PRKN: variants seen among roughly 807,000 people sequenced by gnomAD.
PRKN encodes the protein E3 ubiquitin-protein ligase parkin.
In PRKN, 56 loss-of-function variants were observed where a neutral mutation model predicts 59.5. The ratio of observed to expected loss-of-function variants is 0.94; its 90% CI spans 0.76 to 1.18. The LOEUF is 1.18. Among genes scored for constraint, PRKN ranks in the 50% most tolerant of loss-of-function variants. PRKN has a pLI of 0.00. For synonymous variants in PRKN, 250 were observed against 222.1 expected (o/e 1.13, Z -1.12); for missense variants, 657 against 596.4 (o/e 1.10, Z -1.06).
intron 6 of PRKN, among the ~76,000 whole-genome samples, chr6:161,874,015 T>G (rs1318204444): frequency 3.9e-5 from 2 of 50,802 alleles, no homozygotes; most frequent in African/African-American, 7.6e-5. Context: ...AAATATATAT[T>G]ATATGTAAAA....
chr6:162,283,245 T>C (rs1030923068), intron 2 of PRKN, among the ~76,000 whole-genome samples: 2 of 152,186 alleles, frequency 1.3e-5, no homozygotes, highest in South Asian at 2.1e-4. Flanking sequence ...AAAAATATAT[T>C]TGTGCTTTCT....
In PRKN at chr6:161,379,107, T is replaced by TG. The variant is rs925266242; in HGVS notation, c.1167+7686dup. The stretch of plus-strand genomic sequence containing the variant: ...AGCAGGCAGGGCTGCAGTTATAGAA[T>TG]GGGGTATTTAAATGGGAAGAATGCA... On this transcript the variant is annotated intron_variant, in intron 10 of 11. Transcript: ENST00000366898. This position sits in a 1 kb window ranked among gnomAD's most constrained non-coding sequence, Gnocchi z 4.9. 2.6e-5 allele frequency among the ~76,000 whole-genome samples: 4 copies of TG among 152,076 alleles called. No homozygotes were observed. The highest frequency in any genetic ancestry group is 5.9e-5 in the Non-Finnish European group (4 of 68,012).
intron 1 of PRKN, among the ~76,000 whole-genome samples, chr6:162,499,955 A>G (rs779513388): frequency 5.9e-5 from 9 of 152,282 alleles, no homozygotes; most frequent in Non-Finnish European, 8.8e-5. Context: ...CAATATCTGA[A>G]TTAATAAACT....
At chr6:162,670,819 A>G (rs1779290094) in intron 1 of PRKN, among the ~76,000 whole-genome samples, 1 of 152,240 alleles carries the variant, frequency 6.6e-6, no homozygotes, top group South Asian at 2.1e-4. Context: ...AGATCACTGA[A>G]GCAATTGGTT....
At chr6:162,569,561 G>A (rs752945928) in intron 1 of PRKN, 1 of 718,874 alleles carries the variant, frequency 1.4e-6, no homozygotes, top group Non-Finnish European at 2.6e-6. Flanking sequence ...GGCCTATGGG[G>A]GTCTCACAAG....
At chr6:161,638,159 A>ATCTC (rs2128157399) in intron 7 of PRKN, among the ~76,000 whole-genome samples, 1 of 151,564 alleles carries the variant, frequency 6.6e-6, no homozygotes, top group African/African-American at 2.4e-5. Context: ...TCGAGACTGA[A>ATCTC]TCTCTCTCTT....
chr6:161,523,003 T>C (rs507499), intron 9 of PRKN, among the ~76,000 whole-genome samples: 125,321 of 152,216 alleles, frequency 0.82, 51,927 homozygotes, highest in Middle Eastern at 0.87. Context: ...ACAAAATAAA[T>C]GGAAGCCCTT....
At chr6:161,727,434 T>A (rs1375325715) in intron 7 of PRKN, among the ~76,000 whole-genome samples, 1 of 152,156 alleles carries the variant, frequency 6.6e-6, no homozygotes, top group Non-Finnish European at 1.5e-5. Flanking sequence ...AATGTGCTCA[T>A]GAGAGGGGAT....
rs1224376127 is a variant in PRKN at position 161,566,730 on chromosome 6, C to T, written c.933+2625G>A. Among the ~76,000 whole-genome samples the T allele has an allele frequency of 1.3e-5, 2 of 151,986 alleles. No individual in the cohort carries two copies. The highest frequency in any genetic ancestry group is 4.8e-5 in the African/African-American group (2 of 41,366). ...CCTCCTCCCACTTTATTATTGCAAC[C>T]CTATCTCATGCAATGTGGCTCCTTC... On this transcript the variant is annotated intron_variant, in intron 8 of 11. Coordinates refer to ENST00000366898, the MANE Select transcript of PRKN (RefSeq NM_004562.3). This position sits in a 1 kb window ranked among gnomAD's most constrained non-coding sequence, Gnocchi z 4.1.
intron 10 of PRKN, among the ~76,000 whole-genome samples, chr6:161,380,751 T>A (rs1422629451): frequency 6.6e-6 from 1 of 152,098 alleles, no homozygotes; most frequent in Non-Finnish European, 1.5e-5. Flanking sequence ...GTTTAAGATT[T>A]AAAAAAATGT....
intron 6 of PRKN, among the ~76,000 whole-genome samples, chr6:161,901,863 C>T (rs1196432444): frequency 6.6e-6 from 1 of 152,070 alleles, no homozygotes. Context: ...GTCCTCTGAC[C>T]CTGCTGCTGC....
chr6:161,350,329 T>A (rs74497568), intron 11 of PRKN, 118 bp from the exon 12 acceptor site: 2 of 712,986 alleles, frequency 2.8e-6, no homozygotes, highest in Admixed American at 2.1e-5. Flanking sequence ...TCACAAGCAA[T>A]ACAAGGGCAG....
At chr6:161,415,684 T>G (rs963683556) in intron 9 of PRKN, among the ~76,000 whole-genome samples, 47 of 140,410 alleles carry the variant, frequency 3.3e-4, no homozygotes, top group Non-Finnish European at 6.5e-4. Context: ...TAGTCTAATC[T>G]CTCCTGGAGT....
At chr6:162,184,229 A>C (rs1469463954) in intron 4 of PRKN, among the ~76,000 whole-genome samples, 1 of 152,196 alleles carries the variant, frequency 6.6e-6, no homozygotes, top group East Asian at 1.9e-4. Flanking sequence ...ATAAGCAAAA[A>C]TTACTGATTG....
chr6:162,504,308 A>C (rs1387918474), intron 1 of PRKN, among the ~76,000 whole-genome samples: 1 of 152,208 alleles, frequency 6.6e-6, no homozygotes, highest in Admixed American at 6.5e-5. Context: ...AGATCTGAGA[A>C]TCTGTGCATA....
In PRKN at chr6:161,551,313, G is replaced by C. The variant is rs1780009818; in HGVS notation, c.934-2310C>G. 6.6e-6 allele frequency among the ~76,000 whole-genome samples: 1 copy of C among 152,174 alleles called. No individual in the cohort carries two copies. ...CGCGCTGGCGACCTGAACGTCTCCA[G>C]GTCCTGCCTGAGTCTCAGGATTACC... On this transcript the variant is annotated intron_variant, in intron 8 of 11. Coordinates refer to ENST00000366898, the MANE Select transcript of PRKN (RefSeq NM_004562.3). This position sits in a 1 kb window ranked among gnomAD's most constrained non-coding sequence, Gnocchi z 5.2.
chr6:162,584,017 T>C (rs1304008385), intron 1 of PRKN, among the ~76,000 whole-genome samples: 5 of 151,938 alleles, frequency 3.3e-5, no homozygotes. Flanking sequence ...ATCAAGACCA[T>C]CCTGGCTAAC....
chr6:161,800,367 T>A (rs1047914920), intron 6 of PRKN, among the ~76,000 whole-genome samples: 2 of 152,140 alleles, frequency 1.3e-5, no homozygotes, highest in African/African-American at 2.4e-5. Flanking sequence ...CATCCATGGG[T>A]TCATGGTTCT....
chr6:162,688,852 T>C (rs1159829989), intron 1 of PRKN, among the ~76,000 whole-genome samples: 2 of 152,172 alleles, frequency 1.3e-5, no homozygotes, highest in East Asian at 1.9e-4. Context: ...ATCTTTATAA[T>C]TGTGTTTTTA....
Sources: gnomAD v4.1 joint callset for allele counts (sites outside exome capture counted in the v4.1 genomes callset) on GRCh38, gnomAD v4.1.1 for gene constraint, Gnocchi (gnomAD v3.1) non-coding constraint, MANE v1.5 for transcripts, NCBI Gene and HGNC (gene_info 2026-07-23, HGNC 2026-07-21) for gene names.